SOX5: variants seen among roughly 807,000 people sequenced by gnomAD.
The protein encoded by SOX5 is transcription factor SOX-5.
A neutral mutation model predicts 92.0 loss-of-function variants in SOX5; 9 were observed. The observed-to-expected ratio is 0.10, with a 90% CI of 0.06 to 0.17. The LOEUF (loss-of-function observed/expected upper bound fraction) is 0.17. Ranked by LOEUF, SOX5 falls within the 10% of genes least tolerant of loss-of-function variation. SOX5 has a pLI of 1.00. For missense variants in SOX5, 642 were observed against 944.5 expected (o/e 0.68, Z 4.20); for synonymous variants, 344 against 336.3 (o/e 1.02, Z -0.25).
At chr12:24,035,065 C>A (rs1955884904) in intron 4 of SOX5, among the ~76,000 whole-genome samples, 1 of 152,064 alleles carries the variant, frequency 6.6e-6, no homozygotes, top group African/African-American at 2.4e-5. Context: ...ATGGTTACTT[C>A]TTTGCAATGC....
chr12:23,699,038 A>G (rs2090267323), intron 6 of SOX5, among the ~76,000 whole-genome samples: 1 of 152,226 alleles, frequency 6.6e-6, no homozygotes, highest in South Asian at 2.1e-4. Flanking sequence ...GGTAGTTTAC[A>G]TACATATGCA....
chr12:23,940,675 T>C (rs1943455485), intron 1 of SOX5, among the ~76,000 whole-genome samples: 1 of 150,336 alleles, frequency 6.7e-6, no homozygotes, highest in Admixed American at 6.7e-5. Context: ...AAAGAATCAA[T>C]GAAGATACTG....
intron 4 of SOX5, among the ~76,000 whole-genome samples, chr12:24,151,953 T>C (rs10771063): frequency 0.9 from 136,464 of 152,082 alleles, 61,320 homozygotes; most frequent in East Asian, 0.99. Flanking sequence ...TTTGATAGTC[T>C]CCCTATATCT....
In SOX5 at chr12:23,772,633, T is replaced by C. The variant is rs989007793; in HGVS notation, c.482-16909A>G. On this transcript the variant is annotated intron_variant, in intron 3 of 14. Coordinates refer to ENST00000451604, the MANE Select transcript of SOX5 (RefSeq NM_006940.6). ...TTTTTAATTCTTACAAAATGCTATT[T>C]GTAGTTGTGAAGAACAAGAACTTTA... is the stretch of plus-strand genomic sequence containing the variant. Among the ~76,000 whole-genome samples, 5 of 152,346 alleles carry C rather than the reference T, an allele frequency of 3.3e-5. No individual in the cohort carries two copies. The South Asian group carries it at 1.0e-3, about 32-fold the overall frequency.
Position 24,091,037 on chromosome 12 carries a change from CA to C in SOX5, c.-2+122305del, listed in dbSNP as rs1468795266. ...AACTTCCTGCCTTATAATTGTTATT[CA>C]GAGCAACTTTTAAAGAACAAAGCCC... On this transcript the variant is annotated intron_variant, in intron 4 of 4. Transcript: ENST00000446891. Among the ~76,000 whole-genome samples, 4 of 152,266 alleles carry C rather than the reference CA, an allele frequency of 2.6e-5. No individual in the cohort carries two copies. The East Asian group carries it at 7.7e-4, about 29-fold the overall frequency.
At chr12:23,621,522 C>T (rs2077179309) in intron 8 of SOX5, among the ~76,000 whole-genome samples, 1 of 152,096 alleles carries the variant, frequency 6.6e-6, no homozygotes, top group South Asian at 2.1e-4. Context: ...TTTTCCAAGA[C>T]CACATTAGGC....
At chr12:23,659,915 C>T (rs1284956902) in intron 7 of SOX5, among the ~76,000 whole-genome samples, 4 of 151,876 alleles carry the variant, frequency 2.6e-5, no homozygotes, top group East Asian at 1.9e-4. Flanking sequence ...TGCAGTGAGC[C>T]GAGATCATGC....
intron 1 of SOX5, among the ~76,000 whole-genome samples, chr12:24,493,999 T>C (rs1303970598): frequency 6.6e-6 from 1 of 152,216 alleles, no homozygotes; most frequent in Non-Finnish European, 1.5e-5. Context: ...TGATCGAATG[T>C]ATTGGATGAT....
intron 6 of SOX5, among the ~76,000 whole-genome samples, chr12:23,711,878 C>A (rs1205058879): frequency 1.3e-5 from 2 of 152,130 alleles, no homozygotes; most frequent in African/African-American, 2.4e-5. Context: ...TTAATATTTT[C>A]TTTTTAACCA....
chr12:23,653,351 T>C (rs2081929898), intron 7 of SOX5, among the ~76,000 whole-genome samples: 1 of 151,994 alleles, frequency 6.6e-6, no homozygotes, highest in South Asian at 2.1e-4. Context: ...ACTTCTTCGA[T>C]TGTATAGCTG....
intron 8 of SOX5, among the ~76,000 whole-genome samples, chr12:23,605,762 A>G (rs2137565540): frequency 6.6e-6 from 1 of 152,108 alleles, no homozygotes; most frequent in South Asian, 2.1e-4. Flanking sequence ...GCACACATTT[A>G]TGTGAAAATA....
At chr12:24,528,224 T>C (rs1950881560) in intron 1 of SOX5, among the ~76,000 whole-genome samples, 1 of 152,222 alleles carries the variant, frequency 6.6e-6, no homozygotes, top group Non-Finnish European at 1.5e-5. Context: ...TCTCAAGATC[T>C]CATTTATACA....
At chr12:24,556,585 A>G (rs756061619) in intron 1 of SOX5, among the ~76,000 whole-genome samples, 27 of 152,256 alleles carry the variant, frequency 1.8e-4, no homozygotes, top group Admixed American at 7.9e-4. Context: ...ATGACTATCA[A>G]ACGATTAAAT....
chr12:24,365,348 A>G (rs981547200), intron 2 of SOX5, among the ~76,000 whole-genome samples: 8 of 152,116 alleles, frequency 5.3e-5, no homozygotes, highest in Admixed American at 5.2e-4. Flanking sequence ...ATGTAACAAT[A>G]AAGCATAATC....
rs1163938652 is a variant in SOX5 at position 23,578,117 on chromosome 12, C to CAAAAAAAAAAAAAAAAAAAAAAAAAA, written c.1165-2305_1165-2280dup. 3.2e-4 allele frequency among the ~76,000 whole-genome samples: 11 copies of CAAAAAAAAAAAAAAAAAAAAAAAAAA among 34,896 alleles called. 1 individual carries two copies. Among genetic ancestry groups the CAAAAAAAAAAAAAAAAAAAAAAAAAA allele is most frequent in the Non-Finnish European group, 4.4e-4 (9 of 20,466 alleles). 22.9% of individuals were successfully genotyped at this position (34,896 alleles called of 152,430 possible). A position where few individuals can be genotyped will look rare whatever the true frequency, so the allele number is the denominator to read the frequency against. ...CCTGCGCAACAGAGTGAGACTGTGT[C>CAAAAAAAAAAAAAAAAAAAAAAAAAA]AAAAAAAAAAAAAAAAAAAAAAAAA... On this transcript the variant is annotated intron_variant, in intron 9 of 14. Transcript: ENST00000451604.
chr12:24,502,240 A>T (rs76483690), intron 1 of SOX5, among the ~76,000 whole-genome samples: 1 of 152,244 alleles, frequency 6.6e-6, no homozygotes, highest in East Asian at 1.9e-4. Flanking sequence ...GAAGTGGCCA[A>T]TTCCAACAAT....
chr12:24,059,340 C>A (rs1007396700), intron 4 of SOX5, among the ~76,000 whole-genome samples: 1 of 152,130 alleles, frequency 6.6e-6, no homozygotes, highest in Non-Finnish European at 1.5e-5. Context: ...AGAGTGGTAC[C>A]TGCTAAATAG....
chr12:23,658,282 T>C (rs907823234), intron 7 of SOX5, among the ~76,000 whole-genome samples: 4 of 152,188 alleles, frequency 2.6e-5, no homozygotes, highest in Admixed American at 1.3e-4. Flanking sequence ...AGATATATTT[T>C]AATGACCTAG....
rs563819256 is a variant in SOX5, at chr12:23,922,538, C to T, written c.39-26514G>A. 4.6e-5 allele frequency among the ~76,000 whole-genome samples: 7 copies of T among 152,326 alleles called. No individual in the cohort carries two copies. The East Asian group carries it at 7.7e-4, about 17-fold the overall frequency. On this transcript the variant is annotated intron_variant, in intron 1 of 14. Transcript: ENST00000451604. ...GGTCACTTGTGTCTTACAAATATTA[C>T]TCTCTGATTTACTATATTTTGCTTC... is the stretch of plus-strand genomic sequence containing the variant.
Sources: gnomAD v4.1 joint callset for allele counts (sites outside exome capture counted in the v4.1 genomes callset) on GRCh38, gnomAD v4.1.1 for gene constraint, MANE v1.5 for transcripts, NCBI Gene and HGNC (gene_info 2026-07-23, HGNC 2026-07-21) for gene names.